The following ISM1 variants were observed in gnomAD, a reference collection of about 807,000 sequenced individuals.
The protein encoded by ISM1 is isthmin-1.
Under a neutral mutation model 46.3 loss-of-function variants are expected in ISM1, and 25 were observed. The ratio of observed to expected loss-of-function variants is 0.54; its 90% CI spans 0.39 to 0.75. The LOEUF is 0.75. Ranked by LOEUF, ISM1 falls within the 30% of genes least tolerant of loss-of-function variation. ISM1 has a pLI of 0.00. For synonymous variants in ISM1, 255 were observed against 256.7 expected, an observed-to-expected ratio of 0.99 and a Z score of 0.06; for missense variants, 536 against 625.4, an observed-to-expected ratio of 0.86 and a Z score of 1.52.
chr20:13,283,561 T>C (rs187235937), intron 3 of ISM1, among the ~76,000 whole-genome samples: 1 of 152,312 alleles, frequency 6.6e-6, no homozygotes, highest in Non-Finnish European at 1.5e-5. Flanking sequence ...CAGACCCCAC[T>C]TGTGATGATG....
chr20:13,251,083 G>A (rs934105256), intron 1 of ISM1, among the ~76,000 whole-genome samples: 13 of 152,050 alleles, frequency 8.5e-5, no homozygotes, highest in African/African-American at 2.4e-4. Context: ...CTGCTCCTTG[G>A]ATTTCTGCCT....
chr20:13,272,120 G>C (rs2040122234), intron 2 of ISM1, among the ~76,000 whole-genome samples: 1 of 152,046 alleles, frequency 6.6e-6, no homozygotes, highest in African/African-American at 2.4e-5. Context: ...TATTTGTATA[G>C]GTGCACCTTT....
intron 1 of ISM1, among the ~76,000 whole-genome samples, chr20:13,228,459 C>A (rs1380555032): frequency 6.6e-6 from 1 of 152,068 alleles, no homozygotes; most frequent in Non-Finnish European, 1.5e-5. Context: ...TTATTTCCCC[C>A]CTAAGAATTT....
At chr20:13,314,699 A>G in the ISM1 span, among the ~76,000 whole-genome samples, 1 of 152,172 alleles carries the variant, frequency 6.6e-6, no homozygotes, top group Non-Finnish European at 1.5e-5. Flanking sequence ...GAGGAGAATC[A>G]GAAAAGGAAT....
intron 2 of ISM1, among the ~76,000 whole-genome samples, chr20:13,276,662 T>C (rs1319367269): frequency 6.8e-6 from 1 of 146,132 alleles, no homozygotes; most frequent in African/African-American, 2.7e-5. Context: ...CTAGAGACTT[T>C]GTCAGTTTGG....
intron 2 of ISM1, among the ~76,000 whole-genome samples, chr20:13,279,030 G>C (rs2123279742): frequency 6.6e-6 from 1 of 152,322 alleles, no homozygotes; most frequent in East Asian, 1.9e-4. Flanking sequence ...GCTGGACAGA[G>C]TGAATCACAT....
chr20:13,228,580 CTTTAT>C (rs2039554628), intron 1 of ISM1, among the ~76,000 whole-genome samples: 2 of 151,690 alleles, frequency 1.3e-5, no homozygotes, highest in South Asian at 4.2e-4. Context: ...GATTTTTTTC[CTTTAT>C]TTTAATGTTC....
intron 1 of ISM1, among the ~76,000 whole-genome samples, chr20:13,258,090 AGCT>A (rs1392700518): frequency 1.3e-5 from 2 of 152,124 alleles, no homozygotes; most frequent in Non-Finnish European, 2.9e-5. Flanking sequence ...GTGGTATTAT[AGCT>A]GCTATTTCTC....
the ISM1 span, among the ~76,000 whole-genome samples, chr20:13,306,564 CAAAAAAAAAAA>C: frequency 0.013 from 827 of 63,932 alleles, 21 homozygotes; most frequent in African/African-American, 0.051. Context: ...GGAGAAAGGA[CAAAAAAAAAAA>C]AAAAAAAAAA....
chr20:13,296,391 G>T (rs1274428978), intron 5 of ISM1, among the ~76,000 whole-genome samples: 2 of 152,162 alleles, frequency 1.3e-5, no homozygotes, highest in Admixed American at 6.5e-5. Context: ...AAACAAATCC[G>T]GACTCAGTAA....
In ISM1 at chr20:13,299,510, G is replaced by A. The variant is rs972563920; in HGVS notation, c.*51G>A. The A allele has an allele frequency of 9.8e-6, 15 of 1,527,844 alleles. No individual in the cohort carries two copies. The highest frequency in any genetic ancestry group is 5.5e-5 in the African/African-American group (4 of 73,216). 94.6% of individuals were successfully genotyped at this position (1,527,844 alleles called of 1,614,324 possible). ...CTGCCTCTGGTTCTGGAGCACACAC[G>A]TGCTGCACTGACGTGCCGACTGGCG... On this transcript the variant is annotated 3_prime_UTR_variant, in exon 6 of 6. Transcript: ENST00000262487. This position sits in a 1 kb window ranked among gnomAD's most constrained non-coding sequence, Gnocchi z 5.8.
rs1441163220 is a variant in ISM1 at position 13,300,524 on chromosome 20, A to G, written c.*1065A>G. On this transcript the variant is annotated 3_prime_UTR_variant, in exon 6 of 6. Coordinates refer to ENST00000262487, the MANE Select transcript of ISM1 (RefSeq NM_080826.2). ...TTGAGTCACGGATTATTGTGCATCA[A>G]GCAATTGTTAATATGACCTGGTCCT... 2.6e-5 allele frequency: 4 copies of G among 152,220 alleles called. No individual in the cohort carries two copies. Among genetic ancestry groups the G allele is most frequent in the African/African-American group, 9.6e-5 (4 of 41,456 alleles). 9.4% of individuals were successfully genotyped at this position (152,220 alleles called of 1,614,324 possible). A position where few individuals can be genotyped will look rare whatever the true frequency, so the allele number is the denominator to read the frequency against.
At chr20:13,226,921 T>C (rs2039532488) in intron 1 of ISM1, among the ~76,000 whole-genome samples, 2 of 152,290 alleles carry the variant, frequency 1.3e-5, no homozygotes, top group South Asian at 4.1e-4. Context: ...AAGAAGAGCA[T>C]GCGTACAGGG....
Position 13,300,114 on chromosome 20 carries a change from A to C in ISM1, c.*655A>C, listed in dbSNP as rs1359114897. ...GTCTCTTCTTCAGACTGGGTAGGGA[A>C]TATGATATTTTAGGGACAAAGCTGA... On this transcript the variant is annotated 3_prime_UTR_variant, in exon 6 of 6. Transcript: ENST00000262487. 1 of 152,194 alleles carries C rather than the reference A, an allele frequency of 6.6e-6. No homozygotes were observed. The highest frequency in any genetic ancestry group is 1.5e-5 in the Non-Finnish European group (1 of 68,040). The allele number at this position is 152,194 out of a possible 1,614,324, so 9.4% of individuals were successfully genotyped here.
intron 1 of ISM1, among the ~76,000 whole-genome samples, chr20:13,227,886 T>A (rs1017076376): frequency 6.6e-6 from 1 of 152,076 alleles, no homozygotes; most frequent in Non-Finnish European, 1.5e-5. Context: ...TTCTTACCAG[T>A]TTTATTATAC....
At chr20:13,301,618 A>G (rs1171117119), downstream of ISM1, among the ~76,000 whole-genome samples, 2 of 152,352 alleles carry the variant, frequency 1.3e-5, no homozygotes, top group East Asian at 1.9e-4. Context: ...TTTTTGCTAC[A>G]GATGAACTGA....
At chr20:13,304,016 C>A (rs2040479615), downstream of ISM1, among the ~76,000 whole-genome samples, 1 of 152,230 alleles carries the variant, frequency 6.6e-6, no homozygotes, top group Non-Finnish European at 1.5e-5. Flanking sequence ...CAGACTCCTT[C>A]CATCTTGTGG....
intron 2 of ISM1, among the ~76,000 whole-genome samples, chr20:13,278,413 G>A (rs2040203990): frequency 6.6e-6 from 1 of 152,150 alleles, no homozygotes; most frequent in Non-Finnish European, 1.5e-5. Context: ...TGAGGAGCTT[G>A]TACTTATGTC....
chr20:13,260,724 C>A (rs955926235), intron 1 of ISM1, among the ~76,000 whole-genome samples: 2 of 152,118 alleles, frequency 1.3e-5, no homozygotes, highest in African/African-American at 4.8e-5. Flanking sequence ...CTCATTCTAC[C>A]TCACCATGGT....
Sources: gnomAD v4.1 joint callset for allele counts (sites outside exome capture counted in the v4.1 genomes callset) on GRCh38, gnomAD v4.1.1 for gene constraint, Gnocchi (gnomAD v3.1) non-coding constraint, MANE v1.5 for transcripts, NCBI Gene and HGNC (gene_info 2026-07-23, HGNC 2026-07-21) for gene names.